RASAL2: variants seen among roughly 807,000 people sequenced by gnomAD.
The protein encoded by RASAL2 is RAS protein activator like 2.
A neutral mutation model predicts 128.9 loss-of-function variants in RASAL2; 58 were observed. The observed-to-expected ratio is 0.45, with a 90% CI of 0.36 to 0.56. RASAL2 has a LOEUF of 0.56. RASAL2 is among the 20% of genes least tolerant of loss of function. RASAL2 has a pLI of 0.00. For synonymous variants in RASAL2, 561 were observed against 580.8 expected (o/e 0.97, Z 0.49); for missense variants, 1,360 against 1,601.6 (o/e 0.85, Z 2.57).
chr1:178,178,325 C>T (rs930908868), intron 1 of RASAL2, among the ~76,000 whole-genome samples: 6 of 151,834 alleles, frequency 4.0e-5, no homozygotes, highest in Non-Finnish European at 8.8e-5. Flanking sequence ...AAATGAAGAC[C>T]TCACATTCAT....
intron 1 of RASAL2, among the ~76,000 whole-genome samples, chr1:178,190,013 G>C (rs949224696): frequency 7.3e-5 from 11 of 150,576 alleles, no homozygotes; most frequent in Non-Finnish European, 1.3e-4. Flanking sequence ...GTGTGCTACT[G>C]ACATCTAGTG....
chr1:178,368,636 CT>C (rs34791324), intron 3 of RASAL2, among the ~76,000 whole-genome samples: 16,074 of 145,988 alleles, frequency 0.11, 882 homozygotes, highest in Middle Eastern at 0.14. Flanking sequence ...TTCTTTCTTT[CT>C]TTTTTTTTTT....
At chr1:178,425,761 T>G (rs973232995) in intron 5 of RASAL2, among the ~76,000 whole-genome samples, 6 of 152,136 alleles carry the variant, frequency 3.9e-5, no homozygotes, top group African/African-American at 1.4e-4. Context: ...AGCTGAGTTA[T>G]CTCCCTTTAA....
At chr1:178,187,862 A>G (rs370443914) in intron 1 of RASAL2, among the ~76,000 whole-genome samples, 4 of 152,180 alleles carry the variant, frequency 2.6e-5, no homozygotes, top group African/African-American at 9.6e-5. Flanking sequence ...GAGTTCTTCC[A>G]TCTTGGCCTC....
chr1:178,404,213 G>A (rs1293641966), intron 4 of RASAL2, among the ~76,000 whole-genome samples: 2 of 137,960 alleles, frequency 1.4e-5, no homozygotes, highest in Non-Finnish European at 3.1e-5. Context: ...GCTACAGTGC[G>A]AGACCCCGTC....
At chr1:178,397,948 T>C (rs1673355002) in intron 4 of RASAL2, among the ~76,000 whole-genome samples, 1 of 151,982 alleles carries the variant, frequency 6.6e-6, no homozygotes. Context: ...GAATTTATGG[T>C]ATATGAATTG....
At chr1:178,359,886 A>G (rs1036524513) in intron 3 of RASAL2, among the ~76,000 whole-genome samples, 5 of 152,212 alleles carry the variant, frequency 3.3e-5, no homozygotes, top group African/African-American at 1.2e-4. Context: ...TGATAGAAGA[A>G]GAAAAAAAAT....
At chr1:178,323,367 G>C (rs994225713) in intron 3 of RASAL2, among the ~76,000 whole-genome samples, 1 of 152,130 alleles carries the variant, frequency 6.6e-6, no homozygotes, top group African/African-American at 2.4e-5. Context: ...CTTTCAGGTG[G>C]AGCATGTCAA....
intron 1 of RASAL2, among the ~76,000 whole-genome samples, chr1:178,225,639 T>A (rs952206735): frequency 2.6e-5 from 4 of 152,108 alleles, no homozygotes; most frequent in African/African-American, 9.7e-5. Flanking sequence ...CATGTGTGTC[T>A]TTGTAGCATG....
At chr1:178,280,455 TCA>T (rs1666730026) in intron 1 of RASAL2, among the ~76,000 whole-genome samples, 1 of 152,104 alleles carries the variant, frequency 6.6e-6, no homozygotes. Context: ...TTTAAATTTC[TCA>T]GTTTTAATTT....
At chr1:178,188,524 A>G (rs1465644641) in intron 1 of RASAL2, among the ~76,000 whole-genome samples, 1 of 152,188 alleles carries the variant, frequency 6.6e-6, no homozygotes, top group Non-Finnish European at 1.5e-5. Flanking sequence ...TCACTTGGTC[A>G]TAATAGGAAA....
At chr1:178,217,763 C>T (rs1663473201) in intron 1 of RASAL2, among the ~76,000 whole-genome samples, 1 of 152,234 alleles carries the variant, frequency 6.6e-6, no homozygotes, top group Non-Finnish European at 1.5e-5. Flanking sequence ...CTGCTAGCTG[C>T]TCAGGGTGCT....
At chr1:178,271,162 C>T (rs188703388) in intron 1 of RASAL2, among the ~76,000 whole-genome samples, 40 of 152,308 alleles carry the variant, frequency 2.6e-4, no homozygotes, top group Admixed American at 1.4e-3. Context: ...TTGAGAGCTA[C>T]CTAGTACTGG....
At chr1:178,272,501 A>G (rs1212799415) in intron 1 of RASAL2, among the ~76,000 whole-genome samples, 1 of 151,632 alleles carries the variant, frequency 6.6e-6, no homozygotes, top group Non-Finnish European at 1.5e-5. Context: ...TTATTTTCCT[A>G]CTTGATACTC....
chr1:178,102,755 A>G (rs74128844), intron 1 of RASAL2, among the ~76,000 whole-genome samples: 5,344 of 152,284 alleles, frequency 0.035, 280 homozygotes, highest in African/African-American at 0.12. Flanking sequence ...AGAGTATAAA[A>G]AGATATTCCA....
intron 1 of RASAL2, among the ~76,000 whole-genome samples, chr1:178,165,195 A>G (rs1224863132): frequency 6.6e-6 from 1 of 151,816 alleles, no homozygotes; most frequent in African/African-American, 2.4e-5. Context: ...GTATACATAT[A>G]TATGTGTGTG....
chr1:178,400,588 G>C (rs1299154493), intron 4 of RASAL2, among the ~76,000 whole-genome samples: 1 of 152,026 alleles, frequency 6.6e-6, no homozygotes, highest in Admixed American at 6.6e-5. Context: ...TTGGGGTGCA[G>C]AAAGAAAATA....
intron 4 of RASAL2, among the ~76,000 whole-genome samples, chr1:178,412,751 T>C (rs1674479590): frequency 6.6e-6 from 1 of 152,210 alleles, no homozygotes; most frequent in Non-Finnish European, 1.5e-5. Context: ...CTGTAATTTA[T>C]GAAATGCTGG....
intron 3 of RASAL2, among the ~76,000 whole-genome samples, chr1:178,348,539 C>T (rs977413588): frequency 6.6e-6 from 1 of 152,134 alleles, no homozygotes; most frequent in Non-Finnish European, 1.5e-5. Flanking sequence ...CCTCAAGCAG[C>T]CCTCCCATCT....
Sources: allele counts gnomAD v4.1 joint callset (sites outside exome capture counted in the v4.1 genomes callset), GRCh38; gene constraint gnomAD v4.1.1; transcripts MANE v1.5; gene names NCBI Gene and HGNC (gene_info 2026-07-23, HGNC 2026-07-21).